The following SRC variants were observed in gnomAD, a reference collection of about 807,000 sequenced individuals.
SRC encodes the protein SRC proto-oncogene, non-receptor tyrosine kinase.
A neutral mutation model predicts 62.9 loss-of-function variants in SRC; 13 were observed. That is an observed-to-expected ratio of 0.21 (90% CI 0.13 to 0.33). The LOEUF is 0.33. Among genes scored for constraint, SRC ranks in the 10% least tolerant of loss-of-function variants. The probability of loss-of-function intolerance (pLI) is 1.00; values close to 1 mark genes in which losing one functional copy is unlikely to be tolerated. For synonymous variants in SRC, 302 were observed against 317.5 expected (o/e 0.95, Z 0.52); for missense variants, 457 against 737.3 (o/e 0.62, Z 4.40).
In SRC at chr20:37,384,544, G is replaced by A; in HGVS notation, c.250+141G>A. On this transcript the variant is annotated intron_variant, in intron 4 of 13. Coordinates refer to ENST00000373578, the MANE Select transcript of SRC (RefSeq NM_198291.3). This position sits in a 1 kb window ranked among gnomAD's most constrained non-coding sequence, Gnocchi z 6.7. ...GCGCCCCTGGGTGACTTGGGTGTCC[G>A]GGGGGTGGGGGGGCGGCCGTACACA... 1.1e-6 allele frequency: 1 copy of A among 917,758 alleles called. No individual in the cohort carries two copies. The highest frequency in any genetic ancestry group is 1.4e-6 in the Non-Finnish European group (1 of 709,450). The allele number at this position is 917,758 out of a possible 1,614,324, so 56.9% of individuals were successfully genotyped here.
intron 9 of SRC, among the ~76,000 whole-genome samples, chr20:37,399,386 TCCA>T (rs2070705182): frequency 6.6e-6 from 1 of 152,068 alleles, no homozygotes; most frequent in Non-Finnish European, 1.5e-5. Flanking sequence ...CTGGGCCAGC[TCCA>T]CATCACCCCT....
At position 37,396,686 on chromosome 20, in the gene SRC, T is replaced by G; in HGVS notation, c.703+375T>G. 4.7e-6 allele frequency: 1 copy of G among 211,424 alleles called. No homozygotes were observed. Among genetic ancestry groups the G allele is most frequent in the Non-Finnish European group, 9.5e-6 (1 of 104,800 alleles). 13.1% of individuals were successfully genotyped at this position (211,424 alleles called of 1,614,324 possible). On this transcript the variant is annotated intron_variant, in intron 8 of 13. Transcript: ENST00000373578. The surrounding 1 kb of genome is among the most constrained non-coding windows in gnomAD (Gnocchi z 6.1). ...TAGCCCTAGGACCGGTCTGAACCGG[T>G]TGCTGGGAGAGGAGGAGGGGGCGGC...
At position 37,404,207 on chromosome 20, in the gene SRC, CTGAGGA is replaced by C; in HGVS notation, c.*831_*836del. On this transcript the variant is annotated 3_prime_UTR_variant, in exon 14 of 14. Transcript: ENST00000373578. ...TGGGACAGCCCAGGAAACAAGGGGT[CTGAGGA>C]TGCATTCGAGATGGCAGATTCCCAC... is the stretch of plus-strand genomic sequence containing the variant. 1 of 233,658 alleles carries C rather than the reference CTGAGGA, an allele frequency of 4.3e-6. No individual in the cohort carries two copies. The highest frequency in any genetic ancestry group is 8.5e-6 in the Non-Finnish European group (1 of 118,058). 14.5% of individuals were successfully genotyped at this position (233,658 alleles called of 1,614,324 possible).
rs747410198 is a variant in SRC, at chr20:37,397,891, C to T, written c.859+37C>T. Reference sequence around the variant, plus strand: ...CCCCTGCCCTCGGGAGAGGCATCCACCCCCCACCCCGTGTGGCAGCTCCGG... The same window carrying T: ...CCCCTGCCCTCGGGAGAGGCATCCATCCCCCACCCCGTGTGGCAGCTCCGG... On this transcript the variant is annotated intron_variant, in intron 9 of 13. Coordinates refer to ENST00000373578, the MANE Select transcript of SRC (RefSeq NM_198291.3). This position sits in a 1 kb window ranked among gnomAD's most constrained non-coding sequence, Gnocchi z 4.1. The T allele has an allele frequency of 8.2e-6, 13 of 1,577,720 alleles. No homozygotes were observed. The highest frequency in any genetic ancestry group is 1.1e-5 in the South Asian group (1 of 87,096).
In SRC at chr20:37,384,440, G is replaced by A. The variant is rs2097690168; in HGVS notation, c.250+37G>A. 1.5e-6 allele frequency: 2 copies of A among 1,309,050 alleles called. No homozygotes were observed. Among genetic ancestry groups the A allele is most frequent in the Non-Finnish European group, 1.9e-6 (2 of 1,036,882 alleles). 81.1% of individuals were successfully genotyped at this position (1,309,050 alleles called of 1,614,324 possible). A position where few individuals can be genotyped will look rare whatever the true frequency, so the allele number is the denominator to read the frequency against. Reference sequence around the variant, plus strand: ...GGCGGCGCGGGGTCCTCGCCCACCTGGGGCCACGGCGGGGAGGCGGCGGGG... The same window carrying A: ...GGCGGCGCGGGGTCCTCGCCCACCTAGGGCCACGGCGGGGAGGCGGCGGGG... On this transcript the variant is annotated intron_variant, in intron 4 of 13. Coordinates refer to ENST00000373578, the MANE Select transcript of SRC (RefSeq NM_198291.3). This position sits in a 1 kb window ranked among gnomAD's most constrained non-coding sequence, Gnocchi z 6.7.
intron 1 of SRC, among the ~76,000 whole-genome samples, chr20:37,358,610 T>C (rs577396458): frequency 5.1e-4 from 77 of 152,286 alleles, no homozygotes; most frequent in Non-Finnish European, 7.9e-4. Flanking sequence ...ACAGGTCCCA[T>C]TGGGAAGGGA....
At chr20:37,355,151 TG>T (rs556592824) in intron 1 of SRC, among the ~76,000 whole-genome samples, 75 of 152,248 alleles carry the variant, frequency 4.9e-4, no homozygotes, top group African/African-American at 1.8e-3. Flanking sequence ...CAGCGCCAAC[TG>T]TGGTGATTTT....
intron 3 of SRC, among the ~76,000 whole-genome samples, chr20:37,383,508 T>C (rs928239603): frequency 6.6e-6 from 1 of 152,144 alleles, no homozygotes; most frequent in Non-Finnish European, 1.5e-5. Context: ...GTGGCTCAGA[T>C]ACTGTCCCTG....
Position 37,351,064 on chromosome 20 carries a change from C to T in SRC, c.-247+4809C>T, listed in dbSNP as rs1267240996. Among the ~76,000 whole-genome samples, 3 of 152,226 alleles carry T rather than the reference C, an allele frequency of 2.0e-5. No individual in the cohort carries two copies. The highest frequency in any genetic ancestry group is 4.8e-5 in the African/African-American group (2 of 41,456). On this transcript the variant is annotated intron_variant, in intron 1 of 13. Coordinates refer to ENST00000373578, the MANE Select transcript of SRC (RefSeq NM_198291.3). This position sits in a 1 kb window ranked among gnomAD's most constrained non-coding sequence, Gnocchi z 4.4. ...AGCCAGCCTCCTCCTTCCCACAGTA[C>T]AGCCTGGTAAGGCTGAGTCAGGGAT... is the stretch of plus-strand genomic sequence containing the variant.
At chr20:37,388,778 T>TG (rs931287402) in intron 5 of SRC, among the ~76,000 whole-genome samples, 5 of 115,132 alleles carry the variant, frequency 4.3e-5, no homozygotes, top group African/African-American at 1.7e-4. Flanking sequence ...GAGGTGTAGG[T>TG]GGGGGGCTGG....
intron 2 of SRC, among the ~76,000 whole-genome samples, chr20:37,381,086 C>G (rs1346636532): frequency 3.9e-5 from 6 of 152,104 alleles, no homozygotes; most frequent in Non-Finnish European, 5.9e-5. Flanking sequence ...GGAGTCTGCT[C>G]CAGCACTCCG....
intron 5 of SRC, among the ~76,000 whole-genome samples, chr20:37,390,891 G>A (rs1568638647): frequency 6.6e-6 from 1 of 152,188 alleles, no homozygotes; most frequent in East Asian, 1.9e-4. Flanking sequence ...GGGCCAGGCT[G>A]AGACTGGATC....
chr20:37,400,731 A>G (rs2070724383), intron 10 of SRC, among the ~76,000 whole-genome samples: 1 of 152,164 alleles, frequency 6.6e-6, no homozygotes, highest in Admixed American at 6.5e-5. Context: ...TATAGTTTAC[A>G]TATGATAAAA....
rs183414121 is a variant in SRC, at chr20:37,391,808, C to T, written c.351-2087C>T. Reference sequence around the variant, plus strand: ...GGTGAAGTTTGCAGTGAGCCGAGATCGCGCTGTTGCACTCCAGCCTGGGTG... The same window carrying T: ...GGTGAAGTTTGCAGTGAGCCGAGATTGCGCTGTTGCACTCCAGCCTGGGTG... On this transcript the variant is annotated intron_variant, in intron 5 of 13. Transcript: ENST00000373578. Among the ~76,000 whole-genome samples the T allele has an allele frequency of 1.2e-4, 18 of 152,208 alleles. No homozygotes were observed. In the East Asian group the frequency reaches 3.5e-3, roughly 29 times the overall value.
Position 37,384,793 on chromosome 20 carries a change from G to C in SRC, c.250+390G>C, listed in dbSNP as rs1391193952. Among the ~76,000 whole-genome samples the C allele has an allele frequency of 6.6e-6, 1 of 152,182 alleles. No homozygotes were observed. The highest frequency in any genetic ancestry group is 1.5e-5 in the Non-Finnish European group (1 of 68,014). ...CCACGTGCGGCGGAGGGGCAGCTGG[G>C]TCGCTCGGGGAACGGGGCACCGGAT... On this transcript the variant is annotated intron_variant, in intron 4 of 13. Transcript: ENST00000373578. This position sits in a 1 kb window ranked among gnomAD's most constrained non-coding sequence, Gnocchi z 6.7.
Position 37,400,106 on chromosome 20 carries a change from C to T in SRC, c.860-9C>T, listed in dbSNP as rs1395148563. On this transcript the variant is annotated splice_polypyrimidine_tract_variant and intron_variant, in intron 9 of 13. Transcript: ENST00000373578. ...CTCCACTGAGTCAGCCTGCATCCCT[C>T]CTCAACAGGGACCTGGAACGGTACC... 1.3e-6 allele frequency: 2 copies of T among 1,595,344 alleles called. No homozygotes were observed. The highest frequency in any genetic ancestry group is 1.7e-6 in the Non-Finnish European group (2 of 1,169,200).
At chr20:37,390,967 C>T (rs895956995) in intron 5 of SRC, among the ~76,000 whole-genome samples, 16 of 152,200 alleles carry the variant, frequency 1.1e-4, no homozygotes, top group African/African-American at 3.6e-4. Flanking sequence ...AATGAAACCT[C>T]CAGACTAGAC....
At chr20:37,386,775 G>T (rs2070462283) in intron 5 of SRC, among the ~76,000 whole-genome samples, 1 of 152,238 alleles carries the variant, frequency 6.6e-6, no homozygotes, top group African/African-American at 2.4e-5. Context: ...CTGCATGCAG[G>T]ACCCAGTGCT....
At chr20:37,391,857 AAAAT>A (rs896412271) in intron 5 of SRC, among the ~76,000 whole-genome samples, 6 of 152,126 alleles carry the variant, frequency 3.9e-5, no homozygotes, top group African/African-American at 1.4e-4. Context: ...CCATCTCAAA[AAAAT>A]AAATAAATAA....
Sources: gnomAD v4.1 joint callset for allele counts (sites outside exome capture counted in the v4.1 genomes callset) on GRCh38, gnomAD v4.1.1 for gene constraint, Gnocchi (gnomAD v3.1) non-coding constraint, MANE v1.5 for transcripts, NCBI Gene and HGNC (gene_info 2026-07-23, HGNC 2026-07-21) for gene names.